The following RSBN1L variants were observed in gnomAD, a reference collection of about 807,000 sequenced individuals.
RSBN1L encodes lysine-specific demethylase RSBN1L.
Under a neutral mutation model 67.7 loss-of-function variants are expected in RSBN1L, and 30 were observed. The ratio of observed to expected loss-of-function variants is 0.44; its 90% CI spans 0.33 to 0.60. RSBN1L has a LOEUF of 0.60. Among genes scored for constraint, RSBN1L ranks in the 20% least tolerant of loss-of-function variants. The pLI is 0.02. For synonymous variants in RSBN1L, 433 were observed against 387.0 expected (o/e 1.12, Z -1.39); for missense variants, 992 against 1,031.7 (o/e 0.96, Z 0.53).
chr7:77,697,309 C>G (rs1034652953), intron 1 of RSBN1L: 2 of 363,528 alleles, frequency 5.5e-6, no homozygotes, highest in Non-Finnish European at 9.7e-6. Context: ...AGTTAGTGCG[C>G]TGCAGGATTT....
At chr7:77,707,227 T>C (rs989503062) in intron 1 of RSBN1L, among the ~76,000 whole-genome samples, 5 of 152,150 alleles carry the variant, frequency 3.3e-5, no homozygotes, top group Non-Finnish European at 7.4e-5. Context: ...TTCCACCATG[T>C]TGACCAGACT....
chr7:77,721,044 C>T (rs1048814933), intron 1 of RSBN1L, among the ~76,000 whole-genome samples: 1 of 152,062 alleles, frequency 6.6e-6, no homozygotes, highest in African/African-American at 2.4e-5. Context: ...GCCCAGCCTA[C>T]TGCTTTTTTT....
chr7:77,740,742 C>T (rs1221452529), intron 2 of RSBN1L, among the ~76,000 whole-genome samples: 3 of 151,840 alleles, frequency 2.0e-5, no homozygotes, highest in Non-Finnish European at 4.4e-5. Context: ...CATAATTAGC[C>T]ATTAACAACA....
chr7:77,705,771 C>T (rs1323973270), intron 1 of RSBN1L, among the ~76,000 whole-genome samples: 4 of 151,976 alleles, frequency 2.6e-5, no homozygotes, highest in East Asian at 1.9e-4. Flanking sequence ...CTCGGTCTCA[C>T]GATTACAGGC....
intron 1 of RSBN1L, among the ~76,000 whole-genome samples, chr7:77,699,325 C>T (rs780257750): frequency 3.3e-5 from 5 of 152,152 alleles, no homozygotes; most frequent in Non-Finnish European, 7.3e-5. Context: ...CACACACACT[C>T]GAAAGACCTA....
chr7:77,778,001 A>G (rs145074370), intron 6 of RSBN1L, among the ~76,000 whole-genome samples: 1 of 152,272 alleles, frequency 6.6e-6, no homozygotes, highest in East Asian at 1.9e-4. Flanking sequence ...CAACTTTAGC[A>G]CTTAAATTTA....
chr7:77,721,373 C>T (rs765284758), intron 1 of RSBN1L, among the ~76,000 whole-genome samples: 6 of 151,996 alleles, frequency 3.9e-5, no homozygotes, highest in Non-Finnish European at 7.4e-5. Flanking sequence ...AAGCACCATT[C>T]TAGGTTCTAC....
intron 3 of RSBN1L, among the ~76,000 whole-genome samples, chr7:77,756,163 G>A (rs55962602): frequency 2.0e-5 from 3 of 151,710 alleles, no homozygotes; most frequent in African/African-American, 7.3e-5. Flanking sequence ...ACAGAGTCTA[G>A]CTCTGTCATC....
At chr7:77,742,830 C>A (rs921423737) in intron 2 of RSBN1L, among the ~76,000 whole-genome samples, 2 of 152,048 alleles carry the variant, frequency 1.3e-5, no homozygotes, top group African/African-American at 4.8e-5. Context: ...AGAGTGAGAC[C>A]CTGTCTTAAA....
At chr7:77,756,612 TA>T (rs566014788) in intron 3 of RSBN1L, among the ~76,000 whole-genome samples, 2 of 151,520 alleles carry the variant, frequency 1.3e-5, no homozygotes, top group Admixed American at 6.6e-5. Flanking sequence ...CCGTTTCTAA[TA>T]AAAAAAATAC....
intron 5 of RSBN1L, among the ~76,000 whole-genome samples, chr7:77,770,844 T>C (rs549309702): frequency 4.9e-4 from 74 of 152,350 alleles, no homozygotes; most frequent in African/African-American, 1.5e-3. Context: ...TGTGTACTTA[T>C]GTGAGCACAG....
At chr7:77,742,560 T>C (rs896320806) in intron 2 of RSBN1L, among the ~76,000 whole-genome samples, 1 of 151,920 alleles carries the variant, frequency 6.6e-6, no homozygotes, top group African/African-American at 2.4e-5. Context: ...TGTTTAGGCC[T>C]GGTGTGGTGG....
intron 1 of RSBN1L, among the ~76,000 whole-genome samples, chr7:77,719,424 A>G (rs1286280802): frequency 6.6e-6 from 1 of 152,222 alleles, no homozygotes; most frequent in African/African-American, 2.4e-5. Flanking sequence ...ATTACAGAGT[A>G]TAATTTAAAT....
chr7:77,755,807 C>T (rs1449071921), intron 3 of RSBN1L, among the ~76,000 whole-genome samples: 1 of 152,080 alleles, frequency 6.6e-6, no homozygotes, highest in South Asian at 2.1e-4. Context: ...GTAATAAAGT[C>T]AAAAAATTAT....
intron 3 of RSBN1L, among the ~76,000 whole-genome samples, chr7:77,758,246 A>G (rs769810744): frequency 9.2e-5 from 14 of 152,138 alleles, no homozygotes; most frequent in Admixed American, 8.5e-4. Flanking sequence ...GCAACTTCCC[A>G]GGTTCAAGTG....
intron 2 of RSBN1L, among the ~76,000 whole-genome samples, chr7:77,741,206 C>G (rs763779223): frequency 9.3e-5 from 14 of 151,218 alleles, no homozygotes; most frequent in Non-Finnish European, 1.8e-4. Context: ...AGGCTGGTCT[C>G]GAACTCCTGA....
At chr7:77,709,152 TTGTGTGTGTGTGTG>T (rs67322019) in intron 1 of RSBN1L, among the ~76,000 whole-genome samples, 152 of 142,462 alleles carry the variant, frequency 1.1e-3, no homozygotes, top group Middle Eastern at 3.6e-3. Flanking sequence ...GGGATTCTGT[TTGTGTGTGTGTGTG>T]TGTGTGTGTG....
rs1449654586 is a variant in RSBN1L at position 77,696,684 on chromosome 7, C to T, written c.215C>T (p.Pro72Leu). 1 of 1,612,518 alleles carries T rather than the reference C, an allele frequency of 6.2e-7. No homozygotes were observed. ...GGGAACAGCAGGCAGCTGCAGCCGC[C>T]GGCAGCACCTTCGCCTCAGAGCTAT... ...SGGNSRQLQPPAAPSPQSYGS... is the reference protein window; with the variant it reads ...SGGNSRQLQPLAAPSPQSYGS... Residue 72 changes from proline (P) to leucine (L), a missense_variant, in exon 1 of 8, where the codon CCG becomes CTG. Transcript: ENST00000334955.
At chr7:77,742,962 T>G (rs1282715170) in intron 2 of RSBN1L, among the ~76,000 whole-genome samples, 1 of 152,232 alleles carries the variant, frequency 6.6e-6, no homozygotes, top group Non-Finnish European at 1.5e-5. Flanking sequence ...AGAGTCAGCC[T>G]TGCAAACAGG....
Sources: gnomAD v4.1 joint callset for allele counts (sites outside exome capture counted in the v4.1 genomes callset) on GRCh38, gnomAD v4.1.1 for gene constraint, MANE v1.5 for transcripts, NCBI Gene and HGNC (gene_info 2026-07-23, HGNC 2026-07-21) for gene names.